The following TRAM2 variants were observed in gnomAD, a reference collection of about 807,000 sequenced individuals.
TRAM2 encodes the protein translocating chain-associated membrane protein 2.
In TRAM2, 12 loss-of-function variants were observed where a neutral mutation model predicts 51.0. The observed-to-expected ratio is 0.24, with a 90% CI of 0.15 to 0.38. The LOEUF is 0.38. Ranked by LOEUF, TRAM2 falls within the 10% of genes least tolerant of loss-of-function variation. The pLI is 1.00. For synonymous variants in TRAM2, 175 were observed against 179.4 expected (o/e 0.98, Z 0.20); for missense variants, 361 against 462.0 (o/e 0.78, Z 2.00).
chr6:52,521,010 C>A lies in TRAM2; in HGVS notation c.185-4273G>T, dbSNP rs902178072. ...CACAACCTCCCGGGTTCAAGCAATT[C>A]TCTTGCCTCAGCCTCCCAAGTAGCT... is the stretch of plus-strand genomic sequence containing the variant. On this transcript the variant is annotated intron_variant, in intron 2 of 10. Transcript: ENST00000182527. 2.6e-5 allele frequency among the ~76,000 whole-genome samples: 4 copies of A among 152,292 alleles called. No individual in the cohort carries two copies. The South Asian group carries it at 8.3e-4, about 32-fold the overall frequency.
Position 52,556,709 on chromosome 6 carries a change from C to T in TRAM2, c.120+20087G>A, listed in dbSNP as rs573627562. 1.4e-3 allele frequency among the ~76,000 whole-genome samples: 207 copies of T among 152,202 alleles called. 2 individuals are homozygous for T. The highest frequency in any genetic ancestry group is 4.9e-3 in the African/African-American group (204 of 41,558). On this transcript the variant is annotated intron_variant, in intron 1 of 10. Coordinates refer to ENST00000182527, the MANE Select transcript of TRAM2 (RefSeq NM_012288.4). ...TTGGGAGGCTAAGACAGGCAGATCA[C>T]TTGAGGTCAGGAGTTTGAGACCGGC... is the stretch of plus-strand genomic sequence containing the variant.
At chr6:52,568,014 C>T (rs755682579) in intron 1 of TRAM2, among the ~76,000 whole-genome samples, 11 of 152,224 alleles carry the variant, frequency 7.2e-5, no homozygotes, top group Non-Finnish European at 1.6e-4. Context: ...TCCTGTTCTA[C>T]ATGTCCATGT....
chr6:52,550,947 GA>G (rs1255991348), intron 1 of TRAM2, among the ~76,000 whole-genome samples: 1 of 152,202 alleles, frequency 6.6e-6, no homozygotes, highest in Non-Finnish European at 1.5e-5. Context: ...ATGGGAGGCA[GA>G]CAAATCGCCA....
chr6:52,540,662 T>C (rs892752497), intron 1 of TRAM2, among the ~76,000 whole-genome samples: 1 of 152,086 alleles, frequency 6.6e-6, no homozygotes, highest in African/African-American at 2.4e-5. Context: ...CACTAACAAG[T>C]CCCTCTCCGC....
chr6:52,574,215 G>C (rs955193983), intron 1 of TRAM2, among the ~76,000 whole-genome samples: 1 of 152,058 alleles, frequency 6.6e-6, no homozygotes, highest in African/African-American at 2.4e-5. Flanking sequence ...TCCTGTGCTT[G>C]GTTATGAGGC....
At chr6:52,562,961 G>C (rs984668904) in intron 1 of TRAM2, among the ~76,000 whole-genome samples, 1 of 152,156 alleles carries the variant, frequency 6.6e-6, no homozygotes, top group Non-Finnish European at 1.5e-5. Context: ...AAAAGGACCA[G>C]TACAATTTGT....
chr6:52,508,693 G>T (rs1766394442), intron 5 of TRAM2, among the ~76,000 whole-genome samples: 1 of 152,200 alleles, frequency 6.6e-6, no homozygotes, highest in Non-Finnish European at 1.5e-5. Flanking sequence ...AGCAAGGGAA[G>T]GTTCTAACTC....
chr6:52,523,820 T>C (rs570557567), intron 2 of TRAM2: 1 of 152,362 alleles, frequency 6.6e-6, no homozygotes, highest in Admixed American at 6.5e-5. Flanking sequence ...TTGTTTTATC[T>C]ATAGGGAACT....
chr6:52,509,411 G>A, intron 5 of TRAM2, 117 bp downstream of exon 5: 1 of 928,636 alleles, frequency 1.1e-6, no homozygotes, highest in Non-Finnish European at 1.7e-6. Context: ...ATAGGCTCAG[G>A]GCATGATCTG....
chr6:52,546,551 A>G (rs532483890), intron 1 of TRAM2, among the ~76,000 whole-genome samples: 8 of 152,298 alleles, frequency 5.3e-5, no homozygotes, highest in Admixed American at 5.2e-4. Context: ...GCAATTTTCA[A>G]AAGACTTGAT....
chr6:52,507,659 T>C, intron 6 of TRAM2, 36 bp from the exon 7 acceptor site: 1 of 1,605,540 alleles, frequency 6.2e-7, no homozygotes, highest in South Asian at 1.1e-5. Flanking sequence ...AATTTGCTAA[T>C]TCCCTAACTG....
intron 2 of TRAM2, among the ~76,000 whole-genome samples, chr6:52,521,641 G>T (rs1225263328): frequency 6.6e-6 from 1 of 151,790 alleles, no homozygotes; most frequent in African/African-American, 2.4e-5. Flanking sequence ...AGCTTGCAGT[G>T]AGCCGAGATT....
At chr6:52,515,884 C>T (rs1418233055) in intron 4 of TRAM2, 122 bp downstream of exon 4, 6 of 797,368 alleles carry the variant, frequency 7.5e-6, no homozygotes, top group Non-Finnish European at 1.2e-5. Flanking sequence ...GAAACTTGTT[C>T]CCCTTAACAG....
In TRAM2 at chr6:52,497,825, G is replaced by GT. The variant is rs535661289; in HGVS notation, c.*5371dup. The GT allele has an allele frequency of 1.4e-3, 210 of 152,498 alleles. No homozygotes were observed. The highest frequency in any genetic ancestry group is 4.9e-3 in the African/African-American group (203 of 41,552). The allele number at this position is 152,498 out of a possible 1,614,324, so 9.4% of individuals were successfully genotyped here. On this transcript the variant is annotated 3_prime_UTR_variant, in exon 11 of 11. Coordinates refer to ENST00000182527, the MANE Select transcript of TRAM2 (RefSeq NM_012288.4). The stretch of plus-strand genomic sequence containing the variant: ...CAAATCTGTACCCAAGGAAACAGCG[G>GT]TATTATATTTACTGTCACAGCTAGA...
rs186080779 is a variant in TRAM2, at chr6:52,509,464, G to A, written c.470+64C>T. 1.4e-4 allele frequency: 217 copies of A among 1,536,640 alleles called. 2 individuals are homozygous for A. The African/African-American group carries it at 2.4e-3, about 17-fold the overall frequency. On this transcript the variant is annotated intron_variant, in intron 5 of 10. Transcript: ENST00000182527. ...GCCTGTGGTGTTCTGGCCACACTCC[G>A]CTGGGACAGGAAGGCAGTGGGCCCG...
At chr6:52,512,263 C>T (rs911504684) in intron 4 of TRAM2, among the ~76,000 whole-genome samples, 10 of 152,196 alleles carry the variant, frequency 6.6e-5, no homozygotes, top group African/African-American at 2.4e-4. Flanking sequence ...AGGAACGCTC[C>T]TTGGCTTGGC....
chr6:52,528,762 C>T (rs760632900), intron 2 of TRAM2, among the ~76,000 whole-genome samples: 40 of 152,158 alleles, frequency 2.6e-4, no homozygotes, highest in Non-Finnish European at 4.4e-4. Context: ...GTAAAACAAA[C>T]CTTTCTCTGG....
intron 1 of TRAM2, among the ~76,000 whole-genome samples, chr6:52,569,463 C>A (rs1200549852): frequency 6.6e-6 from 1 of 151,518 alleles, no homozygotes; most frequent in African/African-American, 2.4e-5. Context: ...GTCATAGCAG[C>A]CCAAACAGAC....
intron 1 of TRAM2, among the ~76,000 whole-genome samples, chr6:52,545,094 T>C (rs1201730673): frequency 6.6e-6 from 1 of 152,244 alleles, no homozygotes; most frequent in Non-Finnish European, 1.5e-5. Flanking sequence ...TCAGTCCTGC[T>C]AGGCTAGTCT....
Sources: gnomAD v4.1 joint callset for allele counts (sites outside exome capture counted in the v4.1 genomes callset) on GRCh38, gnomAD v4.1.1 for gene constraint, MANE v1.5 for transcripts, NCBI Gene and HGNC (gene_info 2026-07-23, HGNC 2026-07-21) for gene names.